SOX5: variants seen among roughly 807,000 people sequenced by gnomAD.
SOX5 encodes the protein transcription factor SOX-5.
A neutral mutation model predicts 92.0 loss-of-function variants in SOX5; 9 were observed. The observed-to-expected ratio is 0.10, with a 90% confidence interval of 0.06 to 0.17. The LOEUF (loss-of-function observed/expected upper bound fraction) is 0.17. Among genes scored for constraint, SOX5 ranks in the 10% least tolerant of loss-of-function variants. The probability of loss-of-function intolerance (pLI) is 1.00; values close to 1 mark genes in which losing one functional copy is unlikely to be tolerated. For missense variants in SOX5, 642 were observed against 944.5 expected, an observed-to-expected ratio of 0.68 and a Z score of 4.20; for synonymous variants, 344 against 336.3, an observed-to-expected ratio of 1.02 and a Z score of -0.25.
rs1017511755 is a variant in SOX5, at chr12:24,516,386, A to C, written c.-251+45943T>G. On this transcript the variant is annotated intron_variant, in intron 1 of 4. Transcript: ENST00000446891. Reference sequence around the variant, plus strand: ...TTTAATATTACAGCCCTGTGTTATCACAGTAGATTTTTGAGGGCAACAACT... The same window carrying C: ...TTTAATATTACAGCCCTGTGTTATCCCAGTAGATTTTTGAGGGCAACAACT... Among the ~76,000 whole-genome samples, 2 of 152,064 alleles carry C rather than the reference A, an allele frequency of 1.3e-5. 1 individual carries two copies. The highest frequency in any genetic ancestry group is 2.9e-5 in the Non-Finnish European group (2 of 68,016).
intron 3 of SOX5, among the ~76,000 whole-genome samples, chr12:23,834,357 A>T (rs1594879451): frequency 6.6e-6 from 1 of 151,956 alleles, no homozygotes; most frequent in East Asian, 1.9e-4. Flanking sequence ...ATGATTTTTT[A>T]GTCAATGCTA....
chr12:23,557,615 G>C (rs939976902), intron 11 of SOX5, among the ~76,000 whole-genome samples: 6 of 152,194 alleles, frequency 3.9e-5, no homozygotes, highest in Non-Finnish European at 5.9e-5. Context: ...CTGTTATCAA[G>C]CAACGTCTTC....
At chr12:24,433,814 T>A (rs1427996162) in intron 1 of SOX5, among the ~76,000 whole-genome samples, 1 of 152,106 alleles carries the variant, frequency 6.6e-6, no homozygotes, top group Non-Finnish European at 1.5e-5. Context: ...ACAGGGAGGA[T>A]TAGAACTCTG....
intron 3 of SOX5, among the ~76,000 whole-genome samples, chr12:23,843,535 T>C (rs1458515951): frequency 6.7e-6 from 1 of 148,912 alleles, no homozygotes; most frequent in Non-Finnish European, 1.5e-5. Flanking sequence ...TACTTCAGAA[T>C]ATTTGACAGT....
In SOX5 at chr12:23,711,478, TAC is replaced by T. The variant is rs1235472295; in HGVS notation, c.810+23204_810+23205del. Among the ~76,000 whole-genome samples the T allele has an allele frequency of 4.6e-5, 7 of 152,346 alleles. No homozygotes were observed. In the East Asian group the frequency reaches 7.7e-4, roughly 17 times the overall value. On this transcript the variant is annotated intron_variant, in intron 6 of 14. Coordinates refer to ENST00000451604, the MANE Select transcript of SOX5 (RefSeq NM_006940.6). ...ATTTATGCCAAATCAACAATGTTGC[TAC>T]ACACATGCTGTATATCTTTGAAGCA...
chr12:24,246,871 A>G (rs1938874149), intron 3 of SOX5, among the ~76,000 whole-genome samples: 2 of 152,192 alleles, frequency 1.3e-5, no homozygotes, highest in South Asian at 4.1e-4. Context: ...TAAAAAGACA[A>G]GAGGTAAATG....
chr12:23,932,058 A>C (rs528344574), intron 1 of SOX5, among the ~76,000 whole-genome samples: 1 of 138,752 alleles, frequency 7.2e-6, no homozygotes, highest in Non-Finnish European at 1.5e-5. Context: ...AATCTAAGCC[A>C]AAAAAAAAAA....
chr12:23,815,997 G>C (rs2095983936), intron 3 of SOX5, among the ~76,000 whole-genome samples: 1 of 152,006 alleles, frequency 6.6e-6, no homozygotes, highest in Non-Finnish European at 1.5e-5. Context: ...TTTATTTATA[G>C]GCACAAATTT....
intron 3 of SOX5, among the ~76,000 whole-genome samples, chr12:24,259,190 T>C (rs983796232): frequency 2.0e-5 from 3 of 152,054 alleles, no homozygotes; most frequent in African/African-American, 7.2e-5. Flanking sequence ...GGAACAGTGT[T>C]GGGGAGCACA....
chr12:24,341,336 G>T (rs1029104278), intron 2 of SOX5, among the ~76,000 whole-genome samples: 1 of 152,130 alleles, frequency 6.6e-6, no homozygotes, highest in African/African-American at 2.4e-5. Context: ...AAATTAGCCA[G>T]GCATGGTGGC....
intron 9 of SOX5, among the ~76,000 whole-genome samples, chr12:23,591,115 T>C (rs1432636138): frequency 6.6e-6 from 1 of 152,036 alleles, no homozygotes; most frequent in Non-Finnish European, 1.5e-5. Flanking sequence ...AAAAAATATA[T>C]AGTTATACAA....
At chr12:23,735,694 C>G (rs752990522) in intron 5 of SOX5, among the ~76,000 whole-genome samples, 7 of 152,174 alleles carry the variant, frequency 4.6e-5, no homozygotes, top group Non-Finnish European at 1.0e-4. Context: ...TCAAGTTCAA[C>G]AAGTCCCAAA....
chr12:23,784,409 T>C (rs2095340291), intron 3 of SOX5, among the ~76,000 whole-genome samples: 1 of 152,076 alleles, frequency 6.6e-6, no homozygotes, highest in Non-Finnish European at 1.5e-5. Flanking sequence ...TCACTGCAGG[T>C]TCCGCCTCCC....
intron 1 of SOX5, among the ~76,000 whole-genome samples, chr12:23,941,874 C>G (rs1319289660): frequency 2.6e-5 from 4 of 151,080 alleles, no homozygotes; most frequent in Non-Finnish European, 5.9e-5. Flanking sequence ...AAATATTAAC[C>G]TGAATTATAT....
At chr12:24,343,568 G>C (rs1036877442) in intron 2 of SOX5, among the ~76,000 whole-genome samples, 2 of 152,054 alleles carry the variant, frequency 1.3e-5, no homozygotes, top group African/African-American at 2.4e-5. Context: ...AACTAAGCCA[G>C]GTACTGTATC....
intron 4 of SOX5, among the ~76,000 whole-genome samples, chr12:24,058,823 T>C (rs1002895963): frequency 1.1e-4 from 17 of 151,896 alleles, no homozygotes; most frequent in African/African-American, 4.1e-4. Context: ...ATATAGTTCA[T>C]GCACAAGGTC....
intron 4 of SOX5, among the ~76,000 whole-genome samples, chr12:24,009,499 C>A (rs1952673186): frequency 6.6e-6 from 1 of 152,062 alleles, no homozygotes; most frequent in Non-Finnish European, 1.5e-5. Context: ...TGAAGAGATT[C>A]ATGGGTTCTA....
At chr12:24,532,106 T>C (rs1487568927) in intron 1 of SOX5, among the ~76,000 whole-genome samples, 3 of 152,222 alleles carry the variant, frequency 2.0e-5, no homozygotes, top group Non-Finnish European at 4.4e-5. Context: ...GGGAGGTCTT[T>C]TTCTTCCCTG....
chr12:24,457,723 GATT>G (rs947934570), intron 1 of SOX5, among the ~76,000 whole-genome samples: 60 of 152,242 alleles, frequency 3.9e-4, no homozygotes, highest in African/African-American at 1.4e-3. Flanking sequence ...AATGCAAACT[GATT>G]ATTGCCTCAA....
Sources: gnomAD v4.1 joint callset for allele counts (sites outside exome capture counted in the v4.1 genomes callset) on GRCh38, gnomAD v4.1.1 for gene constraint, MANE v1.5 for transcripts, NCBI Gene and HGNC (gene_info 2026-07-23, HGNC 2026-07-21) for gene names.